Variants in DKK3 observed in about 807,000 individuals in gnomAD.
The protein encoded by DKK3 is dickkopf-related protein 3.
DKK3 carries 22 observed loss-of-function variants against 33.2 expected under a neutral mutation model. The ratio of observed to expected loss-of-function variants is 0.66; its 90% CI spans 0.47 to 0.95. The LOEUF (loss-of-function observed/expected upper bound fraction) is 0.95, where lower values mean the gene tolerates loss of function less well. DKK3 is among the 40% of genes least tolerant of loss of function. DKK3 has a pLI of 0.00. For missense variants in DKK3, 398 were observed against 458.4 expected (o/e 0.87, Z 1.20); for synonymous variants, 194 against 188.8 (o/e 1.03, Z -0.23).
chr11:11,976,271 G>A (rs1033545793), intron 3 of DKK3, among the ~76,000 whole-genome samples: 2 of 152,218 alleles, frequency 1.3e-5, no homozygotes, highest in African/African-American at 4.8e-5. Flanking sequence ...GAAGAAGGAG[G>A]ACAGTTGCAA....
chr11:11,988,065 C>T (rs1003862971), intron 3 of DKK3, among the ~76,000 whole-genome samples: 2 of 152,218 alleles, frequency 1.3e-5, no homozygotes, highest in African/African-American at 4.8e-5. Flanking sequence ...GCAACCAATG[C>T]TCAGAGCCAT....
intron 3 of DKK3, among the ~76,000 whole-genome samples, chr11:11,970,613 G>C (rs1048004762): frequency 1.2e-4 from 19 of 152,220 alleles, no homozygotes; most frequent in African/African-American, 4.6e-4. Flanking sequence ...CCTGAAGGTA[G>C]GGAGCGCACT....
chr11:12,006,499 T>C (rs1413068032), intron 1 of DKK3, among the ~76,000 whole-genome samples: 1 of 152,152 alleles, frequency 6.6e-6, no homozygotes, highest in African/African-American at 2.4e-5. Flanking sequence ...GTTCAACCTC[T>C]CTCATCCTGT....
intron 1 of DKK3, 60 bp from the exon 2 acceptor site, chr11:12,002,497 A>T: frequency 2.6e-6 from 4 of 1,553,288 alleles, no homozygotes; most frequent in South Asian, 2.3e-5. Flanking sequence ...ATGGGAGTCT[A>T]TTAGAAAAAA....
intron 3 of DKK3, among the ~76,000 whole-genome samples, chr11:11,985,866 G>C (rs1321966101): frequency 6.6e-6 from 1 of 152,218 alleles, no homozygotes; most frequent in African/African-American, 2.4e-5. Context: ...GGGGAGAGGA[G>C]AGCAGCTCTG....
At chr11:12,009,692 C>A, upstream of DKK3, 3 of 985,712 alleles carry the variant, frequency 3.0e-6, no homozygotes, top group Non-Finnish European at 3.6e-6. Flanking sequence ...AAAATCCCAG[C>A]CCCCAGCCTG....
chr11:11,987,678 C>G (rs140032830), intron 3 of DKK3, among the ~76,000 whole-genome samples: 60 of 152,284 alleles, frequency 3.9e-4, no homozygotes, highest in African/African-American at 1.3e-3. Flanking sequence ...TTCAGGGGAC[C>G]CTGTGAATTC....
chr11:11,968,747 A>G, intron 3 of DKK3: 1 of 381,910 alleles, frequency 2.6e-6, no homozygotes, highest in Non-Finnish European at 4.7e-6. Flanking sequence ...ATCTGTGCAC[A>G]GTTCTCCCCC....
intron 2 of DKK3, among the ~76,000 whole-genome samples, chr11:12,000,877 C>G (rs911160267): frequency 1.3e-5 from 2 of 152,124 alleles, no homozygotes; most frequent in African/African-American, 2.4e-5. Flanking sequence ...AATAACATAA[C>G]TTTATTATAA....
intron 3 of DKK3, among the ~76,000 whole-genome samples, chr11:11,983,242 G>A (rs1211316233): frequency 6.6e-6 from 1 of 152,168 alleles, no homozygotes; most frequent in East Asian, 1.9e-4. Flanking sequence ...GCCTTGGGAA[G>A]AAAGTAATAA....
At chr11:12,005,829 C>T (rs1848525233) in intron 1 of DKK3, among the ~76,000 whole-genome samples, 1 of 152,120 alleles carries the variant, frequency 6.6e-6, no homozygotes. Context: ...AAAGTTAATA[C>T]TAATAACCAC....
intron 3 of DKK3, among the ~76,000 whole-genome samples, chr11:11,970,064 A>G (rs1483058464): frequency 6.6e-6 from 1 of 152,208 alleles, no homozygotes; most frequent in Non-Finnish European, 1.5e-5. Flanking sequence ...TTGTGCACAG[A>G]CACAACTCAG....
chr11:11,992,588 ATGGTATTTGCTCT>A (rs1161162865), intron 3 of DKK3, among the ~76,000 whole-genome samples: 1 of 152,160 alleles, frequency 6.6e-6, no homozygotes, highest in Non-Finnish European at 1.5e-5. Context: ...ACTGGAATAG[ATGGTATTTGCTCT>A]TGGTATTTGC....
upstream of DKK3, chr11:12,009,177 C>T: frequency 1.0e-6 from 1 of 985,392 alleles, no homozygotes. Context: ...CCCACCCCGA[C>T]TGGACCGAGT....
intron 1 of DKK3, among the ~76,000 whole-genome samples, chr11:12,003,826 C>G (rs1333184851): frequency 6.6e-6 from 1 of 152,084 alleles, no homozygotes; most frequent in Non-Finnish European, 1.5e-5. Flanking sequence ...AGATGAGCCC[C>G]TGCTTTAACC....
Position 12,008,361 on chromosome 11 carries a change from C to T in DKK3, c.213+9G>A. On this transcript the variant is annotated intron_variant, in intron 1 of 6. Coordinates refer to ENST00000683431, the MANE Select transcript of DKK3 (RefSeq NM_001018057.2). This position sits in a 1 kb window ranked among gnomAD's most constrained non-coding sequence, Gnocchi z 4.6. Reference sequence around the variant, plus strand: ...TTCTCAGAGCCCCGCGCCGCCAGGGCGCACCCACCTCTTCCACCGCGCTGC... The same window carrying T: ...TTCTCAGAGCCCCGCGCCGCCAGGGTGCACCCACCTCTTCCACCGCGCTGC... 6.2e-7 allele frequency: 1 copy of T among 1,600,818 alleles called. No individual in the cohort carries two copies. The highest frequency in any genetic ancestry group is 8.5e-7 in the Non-Finnish European group (1 of 1,177,126).
chr11:11,980,340 G>A (rs954487351), intron 3 of DKK3, among the ~76,000 whole-genome samples: 12 of 152,282 alleles, frequency 7.9e-5, no homozygotes, highest in African/African-American at 2.6e-4. Flanking sequence ...CAGGGCTTAC[G>A]GGTTCTGGAC....
intron 3 of DKK3, among the ~76,000 whole-genome samples, chr11:11,990,664 C>G (rs1166458751): frequency 6.6e-6 from 1 of 152,196 alleles, no homozygotes; most frequent in African/African-American, 2.4e-5. Flanking sequence ...CTCATCCCTG[C>G]CTCTCCCCCA....
intron 6 of DKK3, among the ~76,000 whole-genome samples, chr11:11,965,342 G>C (rs1444225263): frequency 6.6e-6 from 1 of 152,186 alleles, no homozygotes; most frequent in Non-Finnish European, 1.5e-5. Context: ...GGGAGGACAG[G>C]GAGATGTGCC....
Sources: allele counts gnomAD v4.1 joint callset (sites outside exome capture counted in the v4.1 genomes callset), GRCh38; gene constraint gnomAD v4.1.1; non-coding constraint Gnocchi (gnomAD v3.1); transcripts MANE v1.5; gene names NCBI Gene and HGNC (gene_info 2026-07-23, HGNC 2026-07-21).